PCDHAC1: variants seen among roughly 807,000 people sequenced by gnomAD.
The protein encoded by PCDHAC1 is protocadherin alpha subfamily C, 1, also known as protocadherin alpha-C1.
A neutral mutation model predicts 60.0 loss-of-function variants in PCDHAC1; 42 were observed. That is an observed-to-expected ratio of 0.70 (90% CI 0.55 to 0.90). PCDHAC1 has a LOEUF of 0.90. Among genes scored for constraint, PCDHAC1 ranks in the 40% least tolerant of loss-of-function variants. The pLI, the probability that PCDHAC1 is intolerant of heterozygous loss-of-function variation, is 0.00. For missense variants in PCDHAC1, 1,160 were observed against 1,222.3 expected, an observed-to-expected ratio of 0.95 and a Z score of 0.76; for synonymous variants, 468 against 499.3, an observed-to-expected ratio of 0.94 and a Z score of 0.84.
chr5:140,986,114 T>A (rs1465954606), intron 3 of PCDHAC1, among the ~76,000 whole-genome samples: 1 of 152,168 alleles, frequency 6.6e-6, no homozygotes, highest in Non-Finnish European at 1.5e-5. Flanking sequence ...AAGATAAAGA[T>A]GCCACACTCT....
Position 140,927,502 on chromosome 5 carries a change from A to G in PCDHAC1, c.610A>G (p.Thr204Ala), listed in dbSNP as rs1554204633. Residue 204 changes from threonine to alanine, a missense_variant, in exon 1 of 4, where the codon ACA (threonine) becomes GCA (alanine). By Grantham distance (58) the Thr-to-Ala change is moderately conservative. Around this residue, in one of 3 missense-constraint regions of PCDHAC1, gnomAD observed 1,113 missense variants for 1,163.7 expected, o/e 0.96. Coordinates refer to ENST00000253807, the MANE Select transcript of PCDHAC1 (RefSeq NM_018898.5). ...EQRATHLLVL[T>A]ARDGGLPARS... ...GCGCGCCACCCACCTGCTGGTGCTT[A>G]CAGCTCGGGACGGCGGGCTACCTGC... 6.2e-7 allele frequency: 1 copy of G among 1,614,134 alleles called. No individual in the cohort carries two copies. Among genetic ancestry groups the G allele is most frequent in the Non-Finnish European group, 8.5e-7 (1 of 1,180,040 alleles).
intron 1 of PCDHAC1, 53 bp from the exon 2 acceptor site, chr5:140,978,895 TG>T: frequency 6.2e-7 from 1 of 1,612,992 alleles, no homozygotes; most frequent in Non-Finnish European, 8.5e-7. Context: ...GCAGCATTCC[TG>T]GGAGAACATT....
At chr5:140,966,654 T>G (rs1048894569) in intron 1 of PCDHAC1, 2 of 1,185,100 alleles carry the variant, frequency 1.7e-6, no homozygotes, top group Non-Finnish European at 2.2e-6. Flanking sequence ...GCGTGAGCGG[T>G]GGGGGAGCAG....
At chr5:140,969,592 A>G (rs547411191) in intron 1 of PCDHAC1, 72 of 829,536 alleles carry the variant, frequency 8.7e-5, no homozygotes, top group Middle Eastern at 3.7e-4. Context: ...TAGTCTTAAT[A>G]TTTAATGCTA....
chr5:141,002,080 C>A (rs1220737696), intron 3 of PCDHAC1, among the ~76,000 whole-genome samples: 1 of 152,236 alleles, frequency 6.6e-6, no homozygotes, highest in Non-Finnish European at 1.5e-5. Context: ...CGCCAAAGAA[C>A]GAGCAGTCCA....
rs547166699 is a variant in PCDHAC1 at position 140,982,068 on chromosome 5, TTAGAG to T, written c.2493-401_2493-397del. On this transcript the variant is annotated intron_variant, in intron 2 of 3. Transcript: ENST00000253807. ...AAAATATTTTAGTGTGTTTTCTTCT[TTAGAG>T]TAGAGAACCTAGGAACAAGAGAACC... 3.5e-3 allele frequency among the ~76,000 whole-genome samples: 532 copies of T among 152,340 alleles called. 2 individuals carry two copies. Among genetic ancestry groups the T allele is most frequent in the Non-Finnish European group, 5.4e-3 (369 of 68,028 alleles).
chr5:141,007,348 C>T (rs1300636691), intron 3 of PCDHAC1, among the ~76,000 whole-genome samples: 3 of 142,438 alleles, frequency 2.1e-5, no homozygotes, highest in African/African-American at 5.3e-5. Context: ...CTCAGGAGTT[C>T]GAGACCAGCC....
chr5:140,954,610 A>T (rs1464657596), intron 1 of PCDHAC1, among the ~76,000 whole-genome samples: 1 of 151,962 alleles, frequency 6.6e-6, no homozygotes, highest in East Asian at 1.9e-4. Flanking sequence ...CCACTTTTTA[A>T]TGGGCTTGTT....
Position 140,979,061 on chromosome 5 carries a change from A to G in PCDHAC1, c.2492+54A>G, listed in dbSNP as rs374803810. 155 of 1,605,246 alleles carry G rather than the reference A, an allele frequency of 9.7e-5. No individual in the cohort carries two copies. The African/African-American group carries it at 1.8e-3, about 19-fold the overall frequency. On this transcript the variant is annotated intron_variant, in intron 2 of 3. Coordinates refer to ENST00000253807, the MANE Select transcript of PCDHAC1 (RefSeq NM_018898.5). ...AAGTAACCTTAACTTGGTATGGCTC[A>G]GATAAACTGCATCTCCATAGGCCAG...
chr5:140,975,579 A>G (rs1464978366), intron 1 of PCDHAC1, among the ~76,000 whole-genome samples: 3 of 152,244 alleles, frequency 2.0e-5, no homozygotes, highest in Non-Finnish European at 4.4e-5. Context: ...ATGCAGTCTC[A>G]TGTCCCAGAG....
At chr5:140,977,703 A>G (rs1407162368) in intron 1 of PCDHAC1, among the ~76,000 whole-genome samples, 1 of 152,192 alleles carries the variant, frequency 6.6e-6, no homozygotes, top group Non-Finnish European at 1.5e-5. Context: ...ATCTGTCTGA[A>G]TATTGAGATG....
intron 3 of PCDHAC1, among the ~76,000 whole-genome samples, chr5:140,996,245 G>A (rs2097718426): frequency 6.6e-6 from 1 of 152,220 alleles, no homozygotes; most frequent in South Asian, 2.1e-4. Context: ...AGGCTGAGAA[G>A]TGACAGCAAC....
intron 1 of PCDHAC1, chr5:140,967,964 G>T: frequency 6.2e-7 from 1 of 1,614,210 alleles, no homozygotes. Flanking sequence ...CAACCGGAAA[G>T]TGAGCCTGGG....
At chr5:140,974,377 A>G (rs1356669539) in intron 1 of PCDHAC1, among the ~76,000 whole-genome samples, 1 of 152,190 alleles carries the variant, frequency 6.6e-6, no homozygotes, top group Non-Finnish European at 1.5e-5. Flanking sequence ...TTTCTGTTGT[A>G]CTGGAACCCA....
In PCDHAC1 at chr5:140,945,883, GAA is replaced by G. The variant is rs2093856247; in HGVS notation, c.2433+16561_2433+16562del. On this transcript the variant is annotated intron_variant, in intron 1 of 3. Transcript: ENST00000253807. ...GACCTGAAATTGTAAAACTAACAAA[GAA>G]AACACAGTGGGAAAGATGAAAGATC... Among the ~76,000 whole-genome samples the G allele has an allele frequency of 2.6e-5, 4 of 152,104 alleles. No homozygotes were observed. The South Asian group carries it at 8.3e-4, about 32-fold the overall frequency.
rs201793837 is a variant in PCDHAC1 at position 141,003,710 on chromosome 5, A to G, written c.2582-5917A>G. Among the ~76,000 whole-genome samples, 7 of 152,316 alleles carry G rather than the reference A, an allele frequency of 4.6e-5. No homozygotes were observed. The East Asian group carries it at 1.2e-3, about 25-fold the overall frequency. On this transcript the variant is annotated intron_variant, in intron 3 of 3. Transcript: ENST00000253807. ...AAATATATCCCTACCAATTGTGAAG[A>G]TATCGGCTAATCCAATAAAAAAGCA... is the stretch of plus-strand genomic sequence containing the variant.
intron 3 of PCDHAC1, among the ~76,000 whole-genome samples, chr5:140,983,631 C>T (rs1336337529): frequency 2.0e-5 from 3 of 152,134 alleles, no homozygotes; most frequent in African/African-American, 7.2e-5. Context: ...AAGAAATGTA[C>T]CCAAGTTCAC....
Position 141,010,446 on chromosome 5 carries a change from C to A in PCDHAC1, c.*509C>A. On this transcript the variant is annotated 3_prime_UTR_variant, in exon 4 of 4. Coordinates refer to ENST00000253807, the MANE Select transcript of PCDHAC1 (RefSeq NM_018898.5). ...AGGCAAGAAAACAAAGACAAATAAA[C>A]AGCGGAAGTTATCAGTATGGAGGGG... 1 of 944,706 alleles carries A rather than the reference C, an allele frequency of 1.1e-6. No homozygotes were observed. The highest frequency in any genetic ancestry group is 1.7e-5 in the African/African-American group (1 of 60,424). The allele number at this position is 944,706 out of a possible 1,614,324, so 58.5% of individuals were successfully genotyped here.
chr5:140,968,932 A>G, intron 1 of PCDHAC1: 3 of 1,614,164 alleles, frequency 1.9e-6, no homozygotes, highest in Non-Finnish European at 2.5e-6. Flanking sequence ...TTCTTTTGAC[A>G]ATCATCATTT....
Sources: allele counts gnomAD v4.1 joint callset (sites outside exome capture counted in the v4.1 genomes callset), GRCh38; gene constraint gnomAD v4.1.1; regional missense constraint gnomAD v4.1.1; transcripts MANE v1.5; gene names NCBI Gene and HGNC (gene_info 2026-07-23, HGNC 2026-07-21).